The following DRG2 variants were observed in gnomAD, a reference collection of about 807,000 sequenced individuals.
DRG2 encodes developmentally regulated GTP binding protein 2.
A neutral mutation model predicts 53.4 loss-of-function variants in DRG2; 36 were observed. The ratio of observed to expected loss-of-function variants is 0.67; its 90% confidence interval spans 0.52 to 0.89. The LOEUF (loss-of-function observed/expected upper bound fraction) is 0.89. DRG2 is among the 40% of genes least tolerant of loss of function. DRG2 has a pLI of 0.00. For synonymous variants in DRG2, 167 were observed against 192.1 expected (o/e 0.87, Z 1.08); for missense variants, 342 against 481.2 (o/e 0.71, Z 2.71).
chr17:18,100,543 C>T lies in DRG2; in HGVS notation c.541-26C>T. ...TGCTGTGACCCCTCGGTCAGCAGTT[C>T]TCCCCATCCCTTTCTCCTCTTTCAG... On this transcript the variant is annotated intron_variant, in intron 6 of 12. Transcript: ENST00000225729. The surrounding 1 kb of genome is among the most constrained non-coding windows in gnomAD (Gnocchi z 4.1). 6.2e-7 allele frequency: 1 copy of T among 1,613,898 alleles called. No individual in the cohort carries two copies. Among genetic ancestry groups the T allele is most frequent in the Non-Finnish European group, 8.5e-7 (1 of 1,179,770 alleles).
intron 10 of DRG2, 157 bp from the exon 11 acceptor site, chr17:18,104,466 G>T (rs1008727397): frequency 1.0e-5 from 15 of 1,437,710 alleles, no homozygotes; most frequent in African/African-American, 1.4e-5. Flanking sequence ...ATGGTACAGG[G>T]ATCTATGTGG....
intron 9 of DRG2, among the ~76,000 whole-genome samples, chr17:18,102,459 A>G (rs1236634916): frequency 7.0e-6 from 1 of 143,514 alleles, no homozygotes; most frequent in East Asian, 2.0e-4. Context: ...TGTCTCTACT[A>G]AAAATACAAA....
rs1358335617 is a variant in DRG2, at chr17:18,088,046, C to T, written c.23C>T (p.Ser8Leu). The T allele has an allele frequency of 3.9e-6, 6 of 1,549,860 alleles. No individual in the cohort carries two copies. In the East Asian group the frequency reaches 1.5e-4, roughly 38 times the overall value. ...ACCATGGGGATCTTAGAGAAGATCTCGGAGATCGAGAAGGAGATCGCTCGG... is the reference window on the plus strand; with the variant it reads ...ACCATGGGGATCTTAGAGAAGATCTTGGAGATCGAGAAGGAGATCGCTCGG... Reference protein sequence around the residue: MGILEKISEIEKEIARTQ... With the variant: MGILEKILEIEKEIARTQ... The change falls in exon 1 of 13, where the codon TCG becomes TTG. Residue 8 changes from serine to leucine, a missense_variant. Coordinates refer to ENST00000225729, the MANE Select transcript of DRG2 (RefSeq NM_001388.5).
intron 1 of DRG2, among the ~76,000 whole-genome samples, chr17:18,089,472 A>G (rs927205905): frequency 1.4e-4 from 22 of 152,216 alleles, no homozygotes; most frequent in African/African-American, 4.8e-4. Flanking sequence ...TGTGCTAGGC[A>G]CTGTGGTTAA....
intron 2 of DRG2, chr17:18,095,451 A>G (rs546744206): frequency 2.1e-5 from 3 of 140,338 alleles, no homozygotes; most frequent in East Asian, 2.1e-4. Flanking sequence ...CTGGAGTACA[A>G]TGGCACGATC....
intron 1 of DRG2, among the ~76,000 whole-genome samples, chr17:18,093,277 A>ATTGGTGAGAACCAT (rs1170549313): frequency 2.0e-5 from 3 of 151,798 alleles, no homozygotes; most frequent in African/African-American, 7.2e-5. Context: ...GTTGAGAACC[A>ATTGGTGAGAACCAT]TTGGTGAGAA....
chr17:18,102,220 A>G (rs73979284), intron 9 of DRG2, among the ~76,000 whole-genome samples: 2 of 152,230 alleles, frequency 1.3e-5, no homozygotes, highest in Non-Finnish European at 2.9e-5. Context: ...TGCTGGAGGC[A>G]TTGGCCCATT....
At chr17:18,097,993 A>G in intron 2 of DRG2, 1 of 298,434 alleles carries the variant, frequency 3.4e-6, no homozygotes, top group South Asian at 5.1e-5. Flanking sequence ...CTCCTGATGT[A>G]TATGGGGAAC....
rs776260806 is a variant in DRG2, at chr17:18,107,229, G to T, written c.1084G>T (p.Val362Leu). 1 of 1,613,096 alleles carries T rather than the reference G, an allele frequency of 6.2e-7. No homozygotes were observed. Among genetic ancestry groups the T allele is most frequent in the Non-Finnish European group, 8.5e-7 (1 of 1,180,020 alleles). ...GGAGCATGAGGACGTCATCCAGATC[G>T]TGAAGAAGTAACGGCGCCTGCCGGG... Reference protein sequence around the residue: ...TMEHEDVIQIVKK With the variant: ...TMEHEDVIQILKK The change falls in exon 13 of 13, where the codon GTG (valine) becomes TTG (leucine). Residue 362 changes from valine to leucine, a missense_variant. Val to Leu is a conservative substitution (Grantham distance 32, BLOSUM62 1). Transcript: ENST00000225729.
At chr17:18,096,021 T>A (rs1428286163) in intron 2 of DRG2, 1 of 152,248 alleles carries the variant, frequency 6.6e-6, no homozygotes, top group Non-Finnish European at 1.5e-5. Context: ...TTGTAGAAAG[T>A]CCTTCAGTTG....
intron 12 of DRG2, among the ~76,000 whole-genome samples, chr17:18,106,693 T>G (rs932920842): frequency 2.1e-5 from 3 of 145,872 alleles, no homozygotes; most frequent in Non-Finnish European, 3.0e-5. Context: ...TCTGGTTTTT[T>G]TTTTTTTTTT....
chr17:18,094,034 G>A, intron 2 of DRG2, 61 bp downstream of exon 2: 1 of 1,571,056 alleles, frequency 6.4e-7, no homozygotes, highest in African/African-American at 1.4e-5. Flanking sequence ...TCAAACAGGT[G>A]ACCATCCAGG....
At position 18,096,958 on chromosome 17, in the gene DRG2, CTA is replaced by C. The variant is rs765073740; in HGVS notation, c.226-1308_226-1307del. The C allele has an allele frequency of 5.3e-5, 8 of 152,246 alleles. 1 individual carries two copies. The East Asian group carries it at 1.5e-3, about 29-fold the overall frequency. 9.4% of individuals were successfully genotyped at this position (152,246 alleles called of 1,614,324 possible). ...TAGTTTTATTTGTTGTACTGTCTGC[CTA>C]TATGATTGGTATATGTATCAGAGAG... On this transcript the variant is annotated intron_variant, in intron 2 of 12. Transcript: ENST00000225729.
In DRG2 at chr17:18,100,711, A is replaced by G; in HGVS notation, c.631+52A>G. ...GGAGGGCAGCCACCACCGTCAGCGC[A>G]GCGGGGGGACTGACTAAGACAGGAG... On this transcript the variant is annotated intron_variant, in intron 7 of 12. Coordinates refer to ENST00000225729, the MANE Select transcript of DRG2 (RefSeq NM_001388.5). This position sits in a 1 kb window ranked among gnomAD's most constrained non-coding sequence, Gnocchi z 4.1. The G allele has an allele frequency of 1.3e-6, 2 of 1,547,570 alleles. No homozygotes were observed. The highest frequency in any genetic ancestry group is 1.8e-6 in the Non-Finnish European group (2 of 1,139,054).
In DRG2 at chr17:18,100,706, A is replaced by G. The variant is rs770086761; in HGVS notation, c.631+47A>G. ...GTGAAGGAGGGCAGCCACCACCGTC[A>G]GCGCAGCGGGGGGACTGACTAAGAC... On this transcript the variant is annotated intron_variant, in intron 7 of 12. Coordinates refer to ENST00000225729, the MANE Select transcript of DRG2 (RefSeq NM_001388.5). This position sits in a 1 kb window ranked among gnomAD's most constrained non-coding sequence, Gnocchi z 4.1. The G allele has an allele frequency of 5.8e-6, 9 of 1,560,912 alleles. No homozygotes were observed. Among genetic ancestry groups the G allele is most frequent in the African/African-American group, 1.4e-5 (1 of 73,492 alleles).
intron 11 of DRG2, 105 bp from the exon 12 acceptor site, chr17:18,106,328 A>T: frequency 7.6e-7 from 1 of 1,309,730 alleles, no homozygotes; most frequent in Non-Finnish European, 1.1e-6. Context: ...TGCCGCGGGA[A>T]CTCCTGCCTC....
chr17:18,101,496 T>C lies in DRG2; in HGVS notation c.635T>C (p.Ile212Thr), dbSNP rs1236637499. ...LVQLILHEYK[I>T]FNAEVLFRED... ...GCCCTTAATCGGAGCCCCTCAGAGA[T>C]CTTCAATGCAGAAGTGCTTTTCCGA... Residue 212 changes from isoleucine (I) to threonine (T), a missense_variant, in exon 8 of 13, where the codon ATC becomes ACC. Ile to Thr is a moderately conservative substitution (Grantham distance 89, BLOSUM62 -1). Coordinates refer to ENST00000225729, the MANE Select transcript of DRG2 (RefSeq NM_001388.5). 1 of 1,614,054 alleles carries C rather than the reference T, an allele frequency of 6.2e-7. No individual in the cohort carries two copies. Among genetic ancestry groups the C allele is most frequent in the Admixed American group, 1.7e-5 (1 of 60,022 alleles).
Position 18,100,141 on chromosome 17 carries a change from A to G in DRG2, c.468-222A>G, listed in dbSNP as rs1398672585. ...CGGGGGCTCCACCACTTGCCTGTGC[A>G]TGCCGACCGTAAACCGGGCCAGTCC... is the stretch of plus-strand genomic sequence containing the variant. On this transcript the variant is annotated intron_variant, in intron 5 of 12. Coordinates refer to ENST00000225729, the MANE Select transcript of DRG2 (RefSeq NM_001388.5). The surrounding 1 kb of genome is among the most constrained non-coding windows in gnomAD (Gnocchi z 4.1). 12 of 604,854 alleles carry G rather than the reference A, an allele frequency of 2.0e-5. No homozygotes were observed. In the South Asian group the frequency reaches 2.2e-4, roughly 11 times the overall value. 37.5% of individuals were successfully genotyped at this position (604,854 alleles called of 1,614,324 possible).
At chr17:18,092,788 C>T (rs916239428) in intron 1 of DRG2, among the ~76,000 whole-genome samples, 3 of 152,180 alleles carry the variant, frequency 2.0e-5, no homozygotes, top group Admixed American at 6.5e-5. Context: ...GCTCATGCCT[C>T]TAGGTAGAAT....
Sources: allele counts gnomAD v4.1 joint callset (sites outside exome capture counted in the v4.1 genomes callset), GRCh38; gene constraint gnomAD v4.1.1; non-coding constraint Gnocchi (gnomAD v3.1); transcripts MANE v1.5; gene names NCBI Gene and HGNC (gene_info 2026-07-23, HGNC 2026-07-21).